The following ERAP1 variants were observed in gnomAD, a reference collection of about 807,000 sequenced individuals.
ERAP1 encodes the protein adipocyte-derived leucine aminopeptidase.
In ERAP1, 86 loss-of-function variants were observed where a neutral mutation model predicts 103.7. That is an observed-to-expected ratio of 0.83 (90% CI 0.70 to 0.99). The LOEUF (loss-of-function observed/expected upper bound fraction) is 0.99, where lower values mean the gene tolerates loss of function less well. Ranked by LOEUF, ERAP1 falls within the 50% of genes least tolerant of loss-of-function variation. The pLI is 0.00. For synonymous variants in ERAP1, 398 were observed against 402.4 expected (o/e 0.99, Z 0.13); for missense variants, 1,009 against 1,128.4 (o/e 0.89, Z 1.52).
At chr5:96,855,949 C>A in the ERAP1 span, among the ~76,000 whole-genome samples, 3 of 152,048 alleles carry the variant, frequency 2.0e-5, no homozygotes, top group Admixed American at 1.3e-4. Flanking sequence ...TGTGTGGCCA[C>A]GACCAAATTG....
At chr5:96,857,644 T>A in the ERAP1 span, among the ~76,000 whole-genome samples, 1 of 152,226 alleles carries the variant, frequency 6.6e-6, no homozygotes, top group South Asian at 2.1e-4. Context: ...AATACAGATG[T>A]GAGTTTCAAA....
At chr5:96,892,512 C>T in the ERAP1 span, 81 of 1,580,036 alleles carry the variant, frequency 5.1e-5, no homozygotes, top group Middle Eastern at 1.7e-4. Flanking sequence ...ATATAGAACA[C>T]GACCAATCTT....
chr5:96,802,496 A>C (rs1179435865), intron 2 of ERAP1, among the ~76,000 whole-genome samples: 1 of 152,172 alleles, frequency 6.6e-6, no homozygotes, highest in Non-Finnish European at 1.5e-5. Context: ...TTACTTTCTT[A>C]CCTTGATAAA....
intron 18 of ERAP1, chr5:96,776,922 C>CT (rs3836863): frequency 0.028 from 5,707 of 203,298 alleles, 250 homozygotes; most frequent in African/African-American, 0.11. Flanking sequence ...TGTGCAGAGT[C>CT]TTTTCTTTGC....
rs1776568494 is a variant in ERAP1, at chr5:96,790,218, T to A, written c.1524+78A>T. The A allele has an allele frequency of 8.5e-6, 11 of 1,290,280 alleles. No homozygotes were observed. In the East Asian group the frequency reaches 2.6e-4, roughly 30 times the overall value. The allele number at this position is 1,290,280 out of a possible 1,614,324, so 79.9% of individuals were successfully genotyped here. A position where few individuals can be genotyped will look rare whatever the true frequency, so the allele number is the denominator to read the frequency against. On this transcript the variant is annotated intron_variant, in intron 10 of 18. Coordinates refer to ENST00000443439, the MANE Select transcript of ERAP1 (RefSeq NM_001040458.3). ...GATATAATCAAGGACCTCAGAAAGT[T>A]TGGCACAGAGCTGCCTTTCAAAGAA...
At chr5:96,779,837 C>T (rs758890235) in intron 18 of ERAP1, among the ~76,000 whole-genome samples, 2 of 152,112 alleles carry the variant, frequency 1.3e-5, no homozygotes, top group East Asian at 3.8e-4. Flanking sequence ...CTCATTTTTC[C>T]TTGACTTCCA....
In ERAP1 at chr5:96,776,368, T is replaced by TAAC; in HGVS notation, c.*25_*27dup. ...TCAACAAAATGTTGGTGATTAGAGA[T>TAAC]AACAGGAACCTGGCAAGGGAGGAAT... On this transcript the variant is annotated 3_prime_UTR_variant, in exon 19 of 19. Transcript: ENST00000443439. 3 of 1,596,254 alleles carry TAAC rather than the reference T, an allele frequency of 1.9e-6. No individual in the cohort carries two copies. The highest frequency in any genetic ancestry group is 2.6e-6 in the Non-Finnish European group (3 of 1,170,822).
chr5:96,835,798 C>G, the ERAP1 span, among the ~76,000 whole-genome samples: 1 of 152,164 alleles, frequency 6.6e-6, no homozygotes, highest in Non-Finnish European at 1.5e-5. Context: ...TCAACTGGAG[C>G]AGGGTCTTCA....
the ERAP1 span, chr5:96,909,683 C>A: frequency 1.9e-6 from 3 of 1,614,156 alleles, no homozygotes; most frequent in South Asian, 2.2e-5. Context: ...TTGAAGCTGG[C>A]CTGTGACCTG....
At position 96,797,205 on chromosome 5, in the gene ERAP1, A is replaced by G. The variant is rs759752952; in HGVS notation, c.768T>C (p.Ser256=). ...CTCCACTCTTGGTTATCTTGCTGAC[A>G]GACTCAAAATCTGAAATGATGAAGG... ...LVAFIISDFE[S]VSKITKSGVK... The change falls in exon 4 of 19, where the codon TCT becomes TCC. Residue 256 remains serine (S), a synonymous_variant. Coordinates refer to ENST00000443439, the MANE Select transcript of ERAP1 (RefSeq NM_001040458.3). 5.6e-6 allele frequency: 9 copies of G among 1,614,084 alleles called. No homozygotes were observed. Among genetic ancestry groups the G allele is most frequent in the Non-Finnish European group, 6.8e-6 (8 of 1,180,042 alleles).
chr5:96,863,847 T>A, the ERAP1 span, among the ~76,000 whole-genome samples: 4 of 151,456 alleles, frequency 2.6e-5, no homozygotes, highest in African/African-American at 9.7e-5. Flanking sequence ...AAATCTTATT[T>A]AAAAAAAAAT....
the ERAP1 span, among the ~76,000 whole-genome samples, chr5:96,877,385 TCA>T: frequency 6.6e-6 from 1 of 151,816 alleles, no homozygotes. Flanking sequence ...CTCTTATCAA[TCA>T]AGTACATCTC....
chr5:96,883,469 T>G, the ERAP1 span, among the ~76,000 whole-genome samples: 3,977 of 152,314 alleles, frequency 0.026, 85 homozygotes, highest in Middle Eastern at 0.095. Context: ...AGACAACATG[T>G]GTACTATTTC....
At chr5:96,799,079 TGG>T (rs1298639540) in intron 3 of ERAP1, among the ~76,000 whole-genome samples, 1 of 151,964 alleles carries the variant, frequency 6.6e-6, no homozygotes, top group Non-Finnish European at 1.5e-5. Context: ...TTGGCCAGGC[TGG>T]TCTTGAACTC....
the ERAP1 span, chr5:96,909,834 C>A: frequency 1.3e-6 from 2 of 1,485,562 alleles, no homozygotes; most frequent in East Asian, 2.3e-5. Flanking sequence ...TCAAGCAAGA[C>A]ATTAGGTCTA....
chr5:96,801,806 C>T (rs1220046000), intron 2 of ERAP1, among the ~76,000 whole-genome samples: 14 of 130,900 alleles, frequency 1.1e-4, no homozygotes, highest in Admixed American at 4.2e-4. Flanking sequence ...GAGCCGAGTT[C>T]GCGCCACTGC....
At chr5:96,923,033 T>C in the ERAP1 span, among the ~76,000 whole-genome samples, 3 of 152,178 alleles carry the variant, frequency 2.0e-5, no homozygotes, top group Admixed American at 2.0e-4. Flanking sequence ...AGCTGGAGTG[T>C]CACGATCGTA....
In ERAP1 at chr5:96,797,316, T is replaced by C. The variant is rs775416141; in HGVS notation, c.664-7A>G. 1.9e-6 allele frequency: 3 copies of C among 1,613,230 alleles called. No homozygotes were observed. The Admixed American group carries it at 5.0e-5, about 27-fold the overall frequency. On this transcript the variant is annotated splice_region_variant and splice_polypyrimidine_tract_variant and intron_variant, in intron 3 of 18. Coordinates refer to ENST00000443439, the MANE Select transcript of ERAP1 (RefSeq NM_001040458.3). ...CAACAGTCACAGATTTCACCTAAAATCAGAATAATTCAAATTATCAAGTAA... is the reference window on the plus strand; with the variant it reads ...CAACAGTCACAGATTTCACCTAAAACCAGAATAATTCAAATTATCAAGTAA...
In ERAP1 at chr5:96,775,080, G is replaced by A. The variant is rs907131156; in HGVS notation, c.*1316C>T. ...CAGCAACAGAGCACACTATGGGTTAGATAAGTCCCTGTGTAGCAAGTTTTC... is the reference window on the plus strand; with the variant it reads ...CAGCAACAGAGCACACTATGGGTTAAATAAGTCCCTGTGTAGCAAGTTTTC... On this transcript the variant is annotated 3_prime_UTR_variant, in exon 19 of 19. Transcript: ENST00000443439. 17 of 985,398 alleles carry A rather than the reference G, an allele frequency of 1.7e-5. No individual in the cohort carries two copies. In the African/African-American group the frequency reaches 3.0e-4, roughly 17 times the overall value. The allele number at this position is 985,398 out of a possible 1,614,324, so 61.0% of individuals were successfully genotyped here.
Sources: allele counts gnomAD v4.1 joint callset (sites outside exome capture counted in the v4.1 genomes callset), GRCh38; gene constraint gnomAD v4.1.1; transcripts MANE v1.5; gene names NCBI Gene and HGNC (gene_info 2026-07-23, HGNC 2026-07-21).